Variants in LRRTM4 observed in about 807,000 individuals in gnomAD.
LRRTM4 encodes leucine-rich repeat transmembrane neuronal protein 4.
LRRTM4 carries 25 observed loss-of-function variants against 47.6 expected under a neutral mutation model. The observed-to-expected ratio is 0.53, with a 90% CI of 0.38 to 0.73. LRRTM4 has a LOEUF of 0.73. Among genes scored for constraint, LRRTM4 ranks in the 30% least tolerant of loss-of-function variants. The pLI, the probability that LRRTM4 is intolerant of heterozygous loss-of-function variation, is 0.00. For synonymous variants in LRRTM4, 311 were observed against 269.5 expected (o/e 1.15, Z -1.51); for missense variants, 638 against 713.4 (o/e 0.89, Z 1.20).
chr2:77,043,583 G>C (rs748261332), intron 3 of LRRTM4, among the ~76,000 whole-genome samples: 4 of 151,532 alleles, frequency 2.6e-5, no homozygotes, highest in African/African-American at 9.7e-5. Context: ...CACTGCAAGA[G>C]AGAAGAGAGA....
At chr2:77,180,613 TAGAG>T (rs1005868308) in intron 3 of LRRTM4, among the ~76,000 whole-genome samples, 1 of 152,166 alleles carries the variant, frequency 6.6e-6, no homozygotes, top group Admixed American at 6.6e-5. Flanking sequence ...TTCCTTTCCT[TAGAG>T]AGTTTGTGTA....
intron 3 of LRRTM4, among the ~76,000 whole-genome samples, chr2:76,802,203 G>T (rs1573133568): frequency 6.8e-6 from 1 of 147,194 alleles, no homozygotes; most frequent in African/African-American, 2.5e-5. Context: ...CAGACGACAT[G>T]ATCTTATATA....
At chr2:77,117,597 G>T (rs1021659903) in intron 3 of LRRTM4, among the ~76,000 whole-genome samples, 3 of 151,644 alleles carry the variant, frequency 2.0e-5, no homozygotes, top group African/African-American at 7.3e-5. Flanking sequence ...TGTTAGAAAT[G>T]ACCAATAAAT....
intron 3 of LRRTM4, among the ~76,000 whole-genome samples, chr2:76,782,970 TC>T (rs1674481793): frequency 6.6e-6 from 1 of 152,224 alleles, no homozygotes; most frequent in South Asian, 2.1e-4. Flanking sequence ...ATTGTAGATT[TC>T]TTAAAAATTC....
intron 3 of LRRTM4, among the ~76,000 whole-genome samples, chr2:76,803,564 C>T (rs1270681570): frequency 6.6e-6 from 1 of 152,072 alleles, no homozygotes; most frequent in East Asian, 1.9e-4. Flanking sequence ...AAATATAAAA[C>T]TAACAGATGA....
intron 3 of LRRTM4, among the ~76,000 whole-genome samples, chr2:77,072,873 C>G (rs982217372): frequency 1.3e-5 from 2 of 148,296 alleles, no homozygotes; most frequent in African/African-American, 5.0e-5. Context: ...CTCAGTTATT[C>G]GGCTACTTGC....
chr2:76,866,059 G>T (rs1672457400), intron 3 of LRRTM4, among the ~76,000 whole-genome samples: 1 of 152,040 alleles, frequency 6.6e-6, no homozygotes, highest in South Asian at 2.1e-4. Context: ...ATGGGCCTAT[G>T]TATTATTCCT....
At chr2:77,410,677 C>T (rs1674384369) in intron 3 of LRRTM4, among the ~76,000 whole-genome samples, 2 of 152,234 alleles carry the variant, frequency 1.3e-5, no homozygotes, top group Admixed American at 6.5e-5. Context: ...TGGAAATCAA[C>T]ACTATTTTCT....
chr2:77,070,668 T>C (rs1680121875), intron 3 of LRRTM4, among the ~76,000 whole-genome samples: 1 of 152,208 alleles, frequency 6.6e-6, no homozygotes, highest in Non-Finnish European at 1.5e-5. Flanking sequence ...TTTGCTCTTG[T>C]TGCCCAGGCT....
At chr2:76,798,052 G>C (rs1217358988) in intron 3 of LRRTM4, among the ~76,000 whole-genome samples, 1 of 149,976 alleles carries the variant, frequency 6.7e-6, no homozygotes, top group African/African-American at 2.5e-5. Flanking sequence ...GAGACAGAAA[G>C]TCAACAAGGA....
At chr2:76,903,352 T>C (rs544434777) in intron 3 of LRRTM4, among the ~76,000 whole-genome samples, 2 of 152,086 alleles carry the variant, frequency 1.3e-5, no homozygotes, top group Non-Finnish European at 2.9e-5. Context: ...CTGGCCAATA[T>C]GGTGAAACCC....
At chr2:76,858,873 C>A (rs1256387426) in intron 3 of LRRTM4, among the ~76,000 whole-genome samples, 2 of 152,110 alleles carry the variant, frequency 1.3e-5, no homozygotes, top group Non-Finnish European at 2.9e-5. Flanking sequence ...CTATGCTACA[C>A]TGAATAGTTC....
chr2:77,502,627 C>T (rs2104080095), intron 3 of LRRTM4, among the ~76,000 whole-genome samples: 1 of 151,596 alleles, frequency 6.6e-6, no homozygotes, highest in South Asian at 2.1e-4. Flanking sequence ...TGGAGTGAGG[C>T]ACTGGAATTA....
intron 3 of LRRTM4, among the ~76,000 whole-genome samples, chr2:76,803,708 A>T (rs940158617): frequency 1.3e-5 from 2 of 152,154 alleles, no homozygotes; most frequent in Non-Finnish European, 2.9e-5. Flanking sequence ...TCCTCATAAG[A>T]TCCTGCCTAC....
chr2:77,114,834 G>T (rs377001350), intron 3 of LRRTM4, among the ~76,000 whole-genome samples: 1 of 152,100 alleles, frequency 6.6e-6, no homozygotes, highest in African/African-American at 2.4e-5. Context: ...CAAAGATCAC[G>T]TGCTCCAAAG....
At chr2:76,829,529 G>T (rs1671276204) in intron 3 of LRRTM4, among the ~76,000 whole-genome samples, 1 of 115,950 alleles carries the variant, frequency 8.6e-6, no homozygotes, top group Admixed American at 1.0e-4. Context: ...ATACTGTCAT[G>T]TAATTGCCTT....
chr2:77,012,744 G>A (rs1052298606), intron 3 of LRRTM4, among the ~76,000 whole-genome samples: 3 of 152,032 alleles, frequency 2.0e-5, no homozygotes, highest in African/African-American at 7.3e-5. Context: ...CTAGGCCTCT[G>A]GTGTTCAACT....
intron 3 of LRRTM4, among the ~76,000 whole-genome samples, chr2:76,960,290 A>G (rs1017298330): frequency 3.3e-5 from 5 of 151,678 alleles, no homozygotes; most frequent in African/African-American, 1.2e-4. Context: ...CAGTATATGT[A>G]TTTGCACAGA....
chr2:77,063,611 A>G (rs1191587191), intron 3 of LRRTM4, among the ~76,000 whole-genome samples: 1 of 152,194 alleles, frequency 6.6e-6, no homozygotes, highest in African/African-American at 2.4e-5. Flanking sequence ...GTTATTGCAC[A>G]TAAGAGGAAA....
Sources: gnomAD v4.1 joint callset for allele counts (sites outside exome capture counted in the v4.1 genomes callset) on GRCh38, gnomAD v4.1.1 for gene constraint, MANE v1.5 for transcripts, NCBI Gene and HGNC (gene_info 2026-07-23, HGNC 2026-07-21) for gene names.